Variants in STX18 observed in about 807,000 individuals in gnomAD.
The protein encoded by STX18 is syntaxin-18.
Under a neutral mutation model 50.1 loss-of-function variants are expected in STX18, and 40 were observed. That is an observed-to-expected ratio of 0.80 (90% CI 0.62 to 1.04). STX18 has a LOEUF of 1.04. Ranked by LOEUF, STX18 falls within the 50% of genes least tolerant of loss-of-function variation. The pLI is 0.00. For synonymous variants in STX18, 158 were observed against 151.8 expected (o/e 1.04, Z -0.30); for missense variants, 410 against 415.8 (o/e 0.99, Z 0.12).
intron 6 of STX18, 79 bp downstream of exon 6, chr4:4,438,315 T>C (rs1310454894): frequency 1.9e-6 from 2 of 1,071,550 alleles, no homozygotes; most frequent in Non-Finnish European, 2.8e-6. Context: ...GAGACTGTGC[T>C]ACTTCGTTCC....
intron 1 of STX18, among the ~76,000 whole-genome samples, chr4:4,477,494 G>A (rs1312132686): frequency 1.3e-5 from 2 of 152,138 alleles, no homozygotes; most frequent in African/African-American, 4.8e-5. Context: ...CCAGTCAGGC[G>A]GAAGTCCAAA....
At chr4:4,493,753 T>C (rs75788872) in intron 1 of STX18, among the ~76,000 whole-genome samples, 2 of 152,222 alleles carry the variant, frequency 1.3e-5, no homozygotes, top group Non-Finnish European at 1.5e-5. Context: ...TAATGCTGTT[T>C]TGAAGTTTTT....
intron 1 of STX18, among the ~76,000 whole-genome samples, chr4:4,513,776 G>A (rs948428633): frequency 6.6e-6 from 1 of 152,128 alleles, no homozygotes; most frequent in Admixed American, 6.5e-5. Context: ...CAGAGGTCTG[G>A]GATATCTCCT....
chr4:4,469,697 A>G (rs548947277), intron 2 of STX18, among the ~76,000 whole-genome samples: 8 of 152,262 alleles, frequency 5.3e-5, no homozygotes, highest in Non-Finnish European at 7.4e-5. Flanking sequence ...CACTCGCACC[A>G]CTTCTCAGGT....
At chr4:4,529,160 G>C (rs546388072) in intron 1 of STX18, among the ~76,000 whole-genome samples, 1 of 152,082 alleles carries the variant, frequency 6.6e-6, no homozygotes, top group Admixed American at 6.5e-5. Flanking sequence ...TCAGGAGATC[G>C]AGACTATCCT....
intron 7 of STX18, among the ~76,000 whole-genome samples, chr4:4,430,915 A>G (rs2108779341): frequency 6.6e-6 from 1 of 152,332 alleles, no homozygotes; most frequent in Admixed American, 6.5e-5. Context: ...ATAAATTCAT[A>G]GCCAACTCTG....
intron 1 of STX18, among the ~76,000 whole-genome samples, chr4:4,484,357 T>C (rs1728608953): frequency 6.6e-6 from 1 of 152,208 alleles, no homozygotes; most frequent in Non-Finnish European, 1.5e-5. Context: ...CTTCTAGTAA[T>C]GCCACTTAAG....
chr4:4,423,343 G>T (rs897028361), intron 9 of STX18, among the ~76,000 whole-genome samples, 175 bp downstream of exon 9: 2 of 152,208 alleles, frequency 1.3e-5, no homozygotes, highest in Admixed American at 6.5e-5. Context: ...TGCAGAGGCA[G>T]CTCTGGGTAG....
chr4:4,498,131 C>G (rs1729268253), intron 1 of STX18, among the ~76,000 whole-genome samples: 1 of 152,166 alleles, frequency 6.6e-6, no homozygotes, highest in African/African-American at 2.4e-5. Context: ...AAGGGGAATT[C>G]TTGTTCCACA....
chr4:4,425,535 C>A (rs994883654), intron 7 of STX18: 5 of 491,762 alleles, frequency 1.0e-5, no homozygotes, highest in African/African-American at 9.6e-5. Flanking sequence ...GATCCCACGG[C>A]CTGCTTCCTG....
intron 1 of STX18, among the ~76,000 whole-genome samples, chr4:4,514,487 T>C (rs944713750): frequency 6.6e-6 from 1 of 152,232 alleles, no homozygotes; most frequent in Non-Finnish European, 1.5e-5. Context: ...TACTAACTTT[T>C]AAAAATTCTT....
chr4:4,515,881 AG>A lies in STX18; in HGVS notation c.168+25915del, dbSNP rs1416629443. ...TCTGCAGTGCAAATTATTGATTTGC[AG>A]GCAAGAGTAAGTATTCCGAAAACAG... On this transcript the variant is annotated intron_variant, in intron 1 of 10. Coordinates refer to ENST00000306200, the MANE Select transcript of STX18 (RefSeq NM_016930.4). Among the ~76,000 whole-genome samples the A allele has an allele frequency of 3.0e-4, 46 of 152,156 alleles. No individual in the cohort carries two copies. In the Middle Eastern group the frequency reaches 0.014, roughly 45 times the overall value.
chr4:4,455,007 A>G (rs1448362581), intron 5 of STX18, among the ~76,000 whole-genome samples: 2 of 152,220 alleles, frequency 1.3e-5, no homozygotes, highest in Non-Finnish European at 2.9e-5. Context: ...GTTAGGTACT[A>G]TGAGTTTTCC....
intron 1 of STX18, among the ~76,000 whole-genome samples, chr4:4,484,121 C>T (rs1728595884): frequency 6.6e-6 from 1 of 152,160 alleles, no homozygotes; most frequent in Non-Finnish European, 1.5e-5. Flanking sequence ...CTTGGCCTCC[C>T]AAAGTGCTGG....
intron 1 of STX18, among the ~76,000 whole-genome samples, chr4:4,513,288 G>C (rs982677721): frequency 6.6e-6 from 1 of 152,178 alleles, no homozygotes; most frequent in Admixed American, 6.5e-5. Context: ...TTTGCCTTAG[G>C]CAAGCCAGAG....
At position 4,514,715 on chromosome 4, in the gene STX18, C is replaced by A. The variant is rs549241130; in HGVS notation, c.168+27082G>T. ...TCAGAGAATATAAAATCCAAACCACCAAAGGAGGTACCCATACATTAGGTA... is the reference window on the plus strand; with the variant it reads ...TCAGAGAATATAAAATCCAAACCACAAAAGGAGGTACCCATACATTAGGTA... On this transcript the variant is annotated intron_variant, in intron 1 of 10. Coordinates refer to ENST00000306200, the MANE Select transcript of STX18 (RefSeq NM_016930.4). Among the ~76,000 whole-genome samples, 172 of 151,972 alleles carry A rather than the reference C, an allele frequency of 1.1e-3. 1 individual carries two copies. In the Middle Eastern group the frequency reaches 0.014, roughly 12 times the overall value.
intron 1 of STX18, among the ~76,000 whole-genome samples, chr4:4,532,961 C>G (rs1731169339): frequency 6.6e-6 from 1 of 152,036 alleles, no homozygotes. Flanking sequence ...TTAAATACAG[C>G]TTACAAATTC....
At chr4:4,441,742 G>A (rs367959617) in intron 5 of STX18, among the ~76,000 whole-genome samples, 2 of 152,070 alleles carry the variant, frequency 1.3e-5, no homozygotes, top group African/African-American at 2.4e-5. Flanking sequence ...TCCTGAAGCC[G>A]GAAAAATCAA....
chr4:4,445,579 G>A (rs999541726), intron 5 of STX18, among the ~76,000 whole-genome samples: 6 of 151,574 alleles, frequency 4.0e-5, no homozygotes, highest in South Asian at 2.1e-4. Context: ...AAATGGTATC[G>A]TTTACAATAG....
Sources: gnomAD v4.1 joint callset for allele counts (sites outside exome capture counted in the v4.1 genomes callset) on GRCh38, gnomAD v4.1.1 for gene constraint, MANE v1.5 for transcripts, NCBI Gene and HGNC (gene_info 2026-07-23, HGNC 2026-07-21) for gene names.